The following ZNF521 variants were observed in gnomAD, a reference collection of about 807,000 sequenced individuals.
ZNF521 encodes zinc finger protein 521.
ZNF521 carries 14 observed loss-of-function variants against 105.5 expected under a neutral mutation model. The observed-to-expected ratio is 0.13, with a 90% CI of 0.09 to 0.21. The LOEUF is 0.21. Ranked by LOEUF, ZNF521 falls within the 10% of genes least tolerant of loss-of-function variation. The pLI, the probability that ZNF521 is intolerant of heterozygous loss-of-function variation, is 1.00. For missense variants in ZNF521, 1,233 were observed against 1,629.7 expected (o/e 0.76, Z 4.19); for synonymous variants, 635 against 606.0 (o/e 1.05, Z -0.70).
In ZNF521 at chr18:25,181,218, C is replaced by T. The variant is rs139837016; in HGVS notation, c.3658+13942G>A. Among the ~76,000 whole-genome samples the T allele has an allele frequency of 1.3e-3, 195 of 152,306 alleles. 1 individual carries two copies. Among genetic ancestry groups the T allele is most frequent in the African/African-American group, 4.4e-3 (181 of 41,570 alleles). The stretch of plus-strand genomic sequence containing the variant: ...GGGCTTCATGTTTTTCCTTCTTCCT[C>T]TTCGCTTAGGTCTATGGGAAGTTAT... On this transcript the variant is annotated intron_variant, in intron 5 of 7. Transcript: ENST00000361524.
chr18:25,267,765 C>G lies in ZNF521; in HGVS notation c.221-40068G>C, dbSNP rs138504238. Among the ~76,000 whole-genome samples the G allele has an allele frequency of 7.2e-5, 11 of 152,136 alleles. No homozygotes were observed. The East Asian group carries it at 2.1e-3, about 29-fold the overall frequency. On this transcript the variant is annotated intron_variant, in intron 3 of 7. Transcript: ENST00000361524. ...ACAAACAGGATGTCCACTCAGAGAC[C>G]CCATCCGAAGGTCACCAACATCAAA...
At chr18:25,220,130 A>T (rs183623703) in intron 4 of ZNF521, among the ~76,000 whole-genome samples, 50 of 152,368 alleles carry the variant, frequency 3.3e-4, no homozygotes, top group Non-Finnish European at 8.8e-5. Flanking sequence ...TAGCAAAAGA[A>T]GGAGAGGCCA....
chr18:25,198,387 C>G (rs1425897440), intron 4 of ZNF521, among the ~76,000 whole-genome samples: 2 of 151,756 alleles, frequency 1.3e-5, no homozygotes, highest in East Asian at 1.9e-4. Context: ...ATTAGAGATG[C>G]TTAATAATAT....
At chr18:25,113,096 G>C (rs1255268117) in intron 5 of ZNF521, among the ~76,000 whole-genome samples, 2 of 151,474 alleles carry the variant, frequency 1.3e-5, no homozygotes, top group Non-Finnish European at 2.9e-5. Context: ...TTGCAGTTAT[G>C]GAGGCTGGAT....
intron 5 of ZNF521, among the ~76,000 whole-genome samples, chr18:25,138,476 G>C (rs10853650): frequency 0.69 from 101,295 of 146,864 alleles, 35,236 homozygotes; most frequent in African/African-American, 0.79. Context: ...TAACCAGCTG[G>C]TGTGAAAGCC....
intron 3 of ZNF521, among the ~76,000 whole-genome samples, chr18:25,311,560 T>C (rs1912310500): frequency 6.6e-6 from 1 of 152,152 alleles, no homozygotes; most frequent in African/African-American, 2.4e-5. Flanking sequence ...AGTGGGTCTC[T>C]TTTAATTCAT....
At chr18:25,317,599 T>C (rs955615581) in intron 3 of ZNF521, among the ~76,000 whole-genome samples, 3 of 152,206 alleles carry the variant, frequency 2.0e-5, no homozygotes, top group African/African-American at 7.2e-5. Flanking sequence ...CATGTCTTTA[T>C]CCTAATGTTA....
At chr18:25,103,951 CA>C (rs1397271400) in intron 5 of ZNF521, among the ~76,000 whole-genome samples, 1 of 151,814 alleles carries the variant, frequency 6.6e-6, no homozygotes, top group Non-Finnish European at 1.5e-5. Context: ...TTTGCTATGT[CA>C]AAAACCAAAG....
chr18:25,083,583 G>C (rs566107223), intron 7 of ZNF521, among the ~76,000 whole-genome samples: 11 of 152,254 alleles, frequency 7.2e-5, no homozygotes, highest in African/African-American at 2.6e-4. Flanking sequence ...CCTTTTCTGG[G>C]AAGATTTATA....
chr18:25,337,566 A>G (rs1000493159), intron 2 of ZNF521, among the ~76,000 whole-genome samples: 1 of 152,242 alleles, frequency 6.6e-6, no homozygotes, highest in African/African-American at 2.4e-5. Context: ...AATGCTAATT[A>G]AAATGTCAAT....
Position 25,103,778 on chromosome 18 carries a change from G to C in ZNF521, c.3659-11697C>G, listed in dbSNP as rs574384823. On this transcript the variant is annotated intron_variant, in intron 5 of 7. Transcript: ENST00000361524. ...AAGGAGTAAGGGAGGGAAGAAAGAA[G>C]GGTGAGAGGAAGGAAGGGAGGGAGG... Among the ~76,000 whole-genome samples, 54 of 103,298 alleles carry C rather than the reference G, an allele frequency of 5.2e-4. 1 individual carries two copies. Among genetic ancestry groups the C allele is most frequent in the African/African-American group, 1.8e-3 (51 of 27,916 alleles). The allele number at this position is 103,298 out of a possible 152,430, so 67.8% of individuals were successfully genotyped here.
intron 5 of ZNF521, among the ~76,000 whole-genome samples, chr18:25,153,864 C>G (rs4377227): frequency 0.46 from 69,286 of 151,948 alleles, 16,017 homozygotes; most frequent in South Asian, 0.59. Flanking sequence ...GTTCACCAGT[C>G]GTAATATCAA....
intron 6 of ZNF521, 129 bp downstream of exon 6, chr18:25,091,821 C>T (rs2033753240): frequency 8.6e-7 from 1 of 1,165,718 alleles, no homozygotes. Flanking sequence ...AGAAATCAAA[C>T]ATCTTCCCCC....
chr18:25,189,019 G>A (rs906891832), intron 5 of ZNF521, among the ~76,000 whole-genome samples: 3 of 152,174 alleles, frequency 2.0e-5, no homozygotes, highest in African/African-American at 4.8e-5. Context: ...GCTGCTAGAC[G>A]CAAGCTAAAA....
chr18:25,287,408 C>A (rs1600260119), intron 3 of ZNF521, among the ~76,000 whole-genome samples: 1 of 152,216 alleles, frequency 6.6e-6, no homozygotes, highest in East Asian at 1.9e-4. Flanking sequence ...GTTTTTGTTT[C>A]AACAACACGT....
At chr18:25,102,240 G>C (rs2033980235) in intron 5 of ZNF521, among the ~76,000 whole-genome samples, 1 of 151,944 alleles carries the variant, frequency 6.6e-6, no homozygotes, top group Non-Finnish European at 1.5e-5. Context: ...GCTACTATTT[G>C]GCATTTTTTT....
chr18:25,130,937 T>C (rs1376983750), intron 5 of ZNF521, among the ~76,000 whole-genome samples: 1 of 146,808 alleles, frequency 6.8e-6, no homozygotes, highest in Non-Finnish European at 1.5e-5. Flanking sequence ...AATGAGATCC[T>C]GTCTCTAAAA....
rs569935313 is a variant in ZNF521, at chr18:25,278,092, A to C, written c.220+43916T>G. Among the ~76,000 whole-genome samples the C allele has an allele frequency of 3.3e-5, 5 of 152,348 alleles. No individual in the cohort carries two copies. In the East Asian group the frequency reaches 9.6e-4, roughly 29 times the overall value. ...ACACCTTTTAAGTCAATAATGCAATACTTAGAGAAAATGGTGCCACAGCAA... is the reference window on the plus strand; with the variant it reads ...ACACCTTTTAAGTCAATAATGCAATCCTTAGAGAAAATGGTGCCACAGCAA... On this transcript the variant is annotated intron_variant, in intron 3 of 7. Transcript: ENST00000361524.
At chr18:25,068,698 G>A (rs1057000544) in intron 7 of ZNF521, among the ~76,000 whole-genome samples, 1 of 152,024 alleles carries the variant, frequency 6.6e-6, no homozygotes, top group East Asian at 1.9e-4. Context: ...GTGTCTGTAC[G>A]GGTCCCTGAA....
Sources: allele counts gnomAD v4.1 joint callset (sites outside exome capture counted in the v4.1 genomes callset), GRCh38; gene constraint gnomAD v4.1.1; transcripts MANE v1.5; gene names NCBI Gene and HGNC (gene_info 2026-07-23, HGNC 2026-07-21).